Variants in MBD5 observed in about 807,000 individuals in gnomAD.
MBD5 encodes the protein methyl-CpG-binding domain protein 5.
A neutral mutation model predicts 117.3 loss-of-function variants in MBD5; 13 were observed. The observed-to-expected ratio is 0.11, with a 90% CI of 0.07 to 0.18. The LOEUF is 0.18. Among genes scored for constraint, MBD5 ranks in the 10% least tolerant of loss-of-function variants. The pLI is 1.00. For synonymous variants in MBD5, 727 were observed against 766.4 expected, an observed-to-expected ratio of 0.95 and a Z score of 0.85; for missense variants, 1,879 against 2,093.8, an observed-to-expected ratio of 0.90 and a Z score of 2.00.
chr2:148,362,003 A>G (rs1236017959), intron 4 of MBD5, among the ~76,000 whole-genome samples: 1 of 152,166 alleles, frequency 6.6e-6, no homozygotes, highest in Non-Finnish European at 1.5e-5. Context: ...AGATCAGGAG[A>G]TTCCCTCGGG....
chr2:148,295,383 T>C (rs1701624282), intron 3 of MBD5, among the ~76,000 whole-genome samples: 1 of 152,230 alleles, frequency 6.6e-6, no homozygotes, highest in African/African-American at 2.4e-5. Context: ...CATCCGGAAT[T>C]TCCACTTTTC....
chr2:148,405,383 A>G (rs1342761627), intron 4 of MBD5, among the ~76,000 whole-genome samples: 2 of 152,228 alleles, frequency 1.3e-5, no homozygotes, highest in African/African-American at 4.8e-5. Flanking sequence ...ACAACTAAGT[A>G]AGATACTTCT....
rs140832251 is a variant in MBD5, at chr2:148,065,041, T to C, written c.-925+43357T>C. 7.2e-3 allele frequency among the ~76,000 whole-genome samples: 1,099 copies of C among 152,048 alleles called. 11 individuals carry two copies. Among genetic ancestry groups the C allele is most frequent in the African/African-American group, 0.025 (1,025 of 41,456 alleles). On this transcript the variant is annotated intron_variant, in intron 1 of 13. Transcript: ENST00000642680. Reference sequence around the variant, plus strand: ...GGGGAGATTCTTCCCTGCTTTGGAGTCTGATAGAGATGGAGTTGCACAGCC... The same window carrying C: ...GGGGAGATTCTTCCCTGCTTTGGAGCCTGATAGAGATGGAGTTGCACAGCC...
chr2:148,489,925 C>T lies in MBD5; in HGVS notation c.4293C>T (p.Asp1431=), dbSNP rs1417120365. 8.7e-6 allele frequency: 14 copies of T among 1,613,818 alleles called. No individual in the cohort carries two copies. The highest frequency in any genetic ancestry group is 2.2e-5 in the East Asian group (1 of 44,886). Residue 1431 remains aspartate (D), a synonymous_variant, in exon 11 of 14, where the codon GAC becomes GAT. Transcript: ENST00000642680. ...ASCHTSKKQW[D]GEQSPRGERN... The stretch of plus-strand genomic sequence containing the variant: ...GCCACACATCCAAAAAACAGTGGGA[C>T]GGGGAGCAAAGCCCCAGAGGGGAGC...
intron 3 of MBD5, among the ~76,000 whole-genome samples, chr2:148,262,039 T>A (rs6430305): frequency 0.6 from 90,934 of 151,970 alleles, 27,387 homozygotes; most frequent in East Asian, 0.71. Context: ...CAGTAGAAAC[T>A]TACAAGGTCA....
At chr2:148,406,260 A>C (rs1705074220) in intron 4 of MBD5, among the ~76,000 whole-genome samples, 1 of 152,208 alleles carries the variant, frequency 6.6e-6, no homozygotes, top group Admixed American at 6.5e-5. Flanking sequence ...ACTTTGAAAT[A>C]TAGTTTTCCA....
chr2:148,355,521 C>G (rs1172681490), intron 4 of MBD5, among the ~76,000 whole-genome samples: 1 of 152,002 alleles, frequency 6.6e-6, no homozygotes, highest in Non-Finnish European at 1.5e-5. Context: ...TTCCCAACAG[C>G]ATTATTAAAT....
At chr2:148,327,420 C>G (rs1004710670) in intron 3 of MBD5, among the ~76,000 whole-genome samples, 1 of 152,114 alleles carries the variant, frequency 6.6e-6, no homozygotes, top group Non-Finnish European at 1.5e-5. Flanking sequence ...TGGATAATAT[C>G]CTTTAGAGTG....
chr2:148,273,432 C>A (rs1237808279), intron 3 of MBD5, among the ~76,000 whole-genome samples: 2 of 152,124 alleles, frequency 1.3e-5, no homozygotes, highest in Non-Finnish European at 2.9e-5. Flanking sequence ...TATATAACAT[C>A]ATTATGCTAA....
intron 2 of MBD5, among the ~76,000 whole-genome samples, chr2:148,195,283 G>T (rs1436776885): frequency 3.3e-5 from 5 of 152,066 alleles, no homozygotes; most frequent in African/African-American, 4.8e-5. Flanking sequence ...ATGAGAAAAA[G>T]TATATGTCTG....
chr2:148,458,248 A>G lies in MBD5; in HGVS notation c.-511A>G, dbSNP rs1419073249. On this transcript the variant is annotated 5_prime_UTR_variant, in exon 5 of 14. Coordinates refer to ENST00000642680, the MANE Select transcript of MBD5 (RefSeq NM_001378120.1). ...AAGTCATGAAAACATCAGATGAACC[A>G]ACCTGCAACACCTTGGATTCAGATT... 1 of 403,702 alleles carries G rather than the reference A, an allele frequency of 2.5e-6. No homozygotes were observed. The highest frequency in any genetic ancestry group is 4.4e-6 in the Non-Finnish European group (1 of 228,846). The allele number at this position is 403,702 out of a possible 1,614,324, so 25.0% of individuals were successfully genotyped here.
intron 1 of MBD5, among the ~76,000 whole-genome samples, chr2:148,139,884 A>G (rs1697272458): frequency 6.6e-6 from 1 of 152,194 alleles, no homozygotes; most frequent in Admixed American, 6.5e-5. Flanking sequence ...GCTGCTCAAT[A>G]GTAATGGCAG....
intron 1 of MBD5, among the ~76,000 whole-genome samples, chr2:148,117,126 T>C (rs1381720624): frequency 1.3e-5 from 2 of 152,150 alleles, no homozygotes; most frequent in Non-Finnish European, 2.9e-5. Context: ...AACTAACAAA[T>C]AATTTTCCAT....
At chr2:148,088,689 A>C (rs1695860142) in intron 1 of MBD5, among the ~76,000 whole-genome samples, 1 of 152,222 alleles carries the variant, frequency 6.6e-6, no homozygotes. Flanking sequence ...AGTGAACACT[A>C]CAAGAAATGC....
rs535159386 is a variant in MBD5 at position 148,488,848 on chromosome 2, G to A, written c.3754-538G>A. Reference sequence around the variant, plus strand: ...GGGGATGTGGCCTGAAAAGGTTGAGGAGCAGGTATTACTACCCCATCTGAA... The same window carrying A: ...GGGGATGTGGCCTGAAAAGGTTGAGAAGCAGGTATTACTACCCCATCTGAA... On this transcript the variant is annotated intron_variant, in intron 10 of 13. Transcript: ENST00000642680. 5.3e-5 allele frequency among the ~76,000 whole-genome samples: 8 copies of A among 152,174 alleles called. No individual in the cohort carries two copies. The East Asian group carries it at 1.5e-3, about 29-fold the overall frequency.
chr2:148,074,484 GTTTTTTTTTTGT>G (rs1399170013), intron 1 of MBD5, among the ~76,000 whole-genome samples: 33 of 123,168 alleles, frequency 2.7e-4, no homozygotes, highest in Admixed American at 8.1e-4. Context: ...GGAATAGTTT[GTTTTTTTTTTGT>G]TTTTTTTTTT....
At chr2:148,391,364 C>A (rs1704566071) in intron 4 of MBD5, among the ~76,000 whole-genome samples, 1 of 152,044 alleles carries the variant, frequency 6.6e-6, no homozygotes, top group Non-Finnish European at 1.5e-5. Flanking sequence ...GTTTAATTTG[C>A]AGCTATATTT....
chr2:148,470,554 G>A, intron 8 of MBD5, 93 bp downstream of exon 8: 2 of 986,698 alleles, frequency 2.0e-6, no homozygotes, highest in Non-Finnish European at 2.9e-6. Flanking sequence ...GATAAGAAAT[G>A]ATCCTTTCCC....
intron 3 of MBD5, among the ~76,000 whole-genome samples, chr2:148,281,363 C>G (rs1701241126): frequency 6.6e-6 from 1 of 152,086 alleles, no homozygotes; most frequent in African/African-American, 2.4e-5. Flanking sequence ...TATATCCTGT[C>G]TACTAGGATT....
Sources: allele counts gnomAD v4.1 joint callset (sites outside exome capture counted in the v4.1 genomes callset), GRCh38; gene constraint gnomAD v4.1.1; transcripts MANE v1.5; gene names NCBI Gene and HGNC (gene_info 2026-07-23, HGNC 2026-07-21).